Variants in EDNRB observed in about 807,000 individuals in gnomAD.
EDNRB encodes the protein Hirschsprung disease 2.
A neutral mutation model predicts 46.4 loss-of-function variants in EDNRB; 18 were observed. The ratio of observed to expected loss-of-function variants is 0.39; its 90% CI spans 0.27 to 0.57. EDNRB has a LOEUF of 0.57. Ranked by LOEUF, EDNRB falls within the 20% of genes least tolerant of loss-of-function variation. The probability of loss-of-function intolerance (pLI) is 0.61; values close to 1 mark genes in which losing one functional copy is unlikely to be tolerated. For synonymous variants in EDNRB, 213 were observed against 204.9 expected (o/e 1.04, Z -0.34); for missense variants, 434 against 537.5 (o/e 0.81, Z 1.90).
chr13:77,898,349 G>A lies in EDNRB; in HGVS notation c.1195-15C>T. 1 of 1,611,112 alleles carries A rather than the reference G, an allele frequency of 6.2e-7. No individual in the cohort carries two copies. Among genetic ancestry groups the A allele is most frequent in the Non-Finnish European group, 8.5e-7 (1 of 1,178,308 alleles). On this transcript the variant is annotated splice_polypyrimidine_tract_variant and intron_variant, in intron 6 of 6. Transcript: ENST00000646607. ...CATAAGCATGACTGTACAAAACAAA[G>A]TAACTCATTATATGTTAACATCAGT...
rs753014932 is a variant in EDNRB at position 77,901,220 on chromosome 13, G to A, written c.802-13C>T. On this transcript the variant is annotated splice_polypyrimidine_tract_variant and intron_variant, in intron 3 of 6. Coordinates refer to ENST00000646607, the MANE Select transcript of EDNRB (RefSeq NM_001122659.3). ...CTGTCTTGTAAAACTATAGGGATGAGAGAATTTTTACGATTAATACTCCTC... is the reference window on the plus strand; with the variant it reads ...CTGTCTTGTAAAACTATAGGGATGAAAGAATTTTTACGATTAATACTCCTC... The A allele has an allele frequency of 5.0e-6, 8 of 1,609,138 alleles. No individual in the cohort carries two copies. The Admixed American group carries it at 1.3e-4, about 27-fold the overall frequency.
intron 1 of EDNRB, among the ~76,000 whole-genome samples, chr13:77,936,296 G>T (rs138038096): frequency 6.6e-6 from 1 of 152,004 alleles, no homozygotes; most frequent in Non-Finnish European, 1.5e-5. Flanking sequence ...AAAGTGTCTC[G>T]GCCTAATAAG....
intron 1 of EDNRB, among the ~76,000 whole-genome samples, chr13:77,957,679 G>C (rs957640781): frequency 6.6e-6 from 1 of 152,120 alleles, no homozygotes; most frequent in Non-Finnish European, 1.5e-5. Flanking sequence ...TTTTATTTTT[G>C]TTTGCTAGTG....
intron 1 of EDNRB, among the ~76,000 whole-genome samples, chr13:77,935,279 C>T (rs1299667855): frequency 6.6e-6 from 1 of 152,154 alleles, no homozygotes; most frequent in Non-Finnish European, 1.5e-5. Flanking sequence ...GGGCGCAGTC[C>T]CAGTTCTTGT....
intron 1 of EDNRB, among the ~76,000 whole-genome samples, chr13:77,913,929 T>C (rs1480045593): frequency 6.6e-6 from 1 of 152,184 alleles, no homozygotes; most frequent in East Asian, 1.9e-4. Flanking sequence ...TAAGGAGAAA[T>C]TCATCCTAAC....
At chr13:77,914,330 C>T (rs930901150) in intron 1 of EDNRB, among the ~76,000 whole-genome samples, 3 of 152,152 alleles carry the variant, frequency 2.0e-5, no homozygotes, top group South Asian at 4.1e-4. Context: ...TAACATTTAT[C>T]ATTTCTTGCT....
chr13:77,967,373 G>T (rs1016761771), intron 1 of EDNRB, among the ~76,000 whole-genome samples: 8 of 152,166 alleles, frequency 5.3e-5, no homozygotes, highest in Non-Finnish European at 8.8e-5. Flanking sequence ...ACTTTCTCTA[G>T]CACCATCATC....
intron 1 of EDNRB, among the ~76,000 whole-genome samples, chr13:77,910,019 C>G (rs1165863623): frequency 6.6e-6 from 1 of 151,966 alleles, no homozygotes; most frequent in African/African-American, 2.4e-5. Context: ...CTCTCCTACT[C>G]AAACTTGTCA....
At chr13:77,971,223 T>C (rs1881719881) in intron 1 of EDNRB, among the ~76,000 whole-genome samples, 1 of 152,336 alleles carries the variant, frequency 6.6e-6, no homozygotes. Flanking sequence ...TCAATGGTGA[T>C]GTTGGGATTT....
At position 77,918,611 on chromosome 13, in the gene EDNRB, C is replaced by A; in HGVS notation, c.-38G>T. 6.4e-7 allele frequency: 1 copy of A among 1,559,158 alleles called. No individual in the cohort carries two copies. The highest frequency in any genetic ancestry group is 8.6e-7 in the Non-Finnish European group (1 of 1,163,686). ...TCCAGAAGGCGTCCGGTGGCCGCTC[C>A]GCAGTTTCAGAGCCTAGAGACAAGC... On this transcript the variant is annotated 5_prime_UTR_variant, in exon 1 of 7. Coordinates refer to ENST00000646607, the MANE Select transcript of EDNRB (RefSeq NM_001122659.3). This position sits in a 1 kb window ranked among gnomAD's most constrained non-coding sequence, Gnocchi z 4.5.
At chr13:77,951,743 C>T (rs1477705713) in intron 1 of EDNRB, among the ~76,000 whole-genome samples, 1 of 152,176 alleles carries the variant, frequency 6.6e-6, no homozygotes, top group African/African-American at 2.4e-5. Flanking sequence ...AGTTGGGCCT[C>T]TAACCCAAGG....
At chr13:77,955,129 C>T (rs1339069081) in intron 1 of EDNRB, among the ~76,000 whole-genome samples, 2 of 152,174 alleles carry the variant, frequency 1.3e-5, no homozygotes, top group East Asian at 1.9e-4. Context: ...TTCTAATACT[C>T]ATTATCTTTT....
chr13:77,928,246 G>A (rs1368523446), intron 1 of EDNRB, among the ~76,000 whole-genome samples: 1 of 151,894 alleles, frequency 6.6e-6, no homozygotes, highest in Non-Finnish European at 1.5e-5. Flanking sequence ...TATGAGTGGG[G>A]GCTTACTTCA....
chr13:77,946,273 G>T (rs1014783698), intron 1 of EDNRB, among the ~76,000 whole-genome samples: 4 of 152,128 alleles, frequency 2.6e-5, no homozygotes, highest in African/African-American at 4.8e-5. Context: ...TCTGGGGTTT[G>T]CTGTCTTCAG....
intron 1 of EDNRB, among the ~76,000 whole-genome samples, chr13:77,955,880 T>C (rs1881223843): frequency 6.6e-6 from 1 of 151,850 alleles, no homozygotes; most frequent in Admixed American, 6.6e-5. Flanking sequence ...TATCTATCTA[T>C]CTATCTATCT....
intron 1 of EDNRB, among the ~76,000 whole-genome samples, chr13:77,944,432 C>T (rs1324961651): frequency 6.6e-6 from 1 of 151,762 alleles, no homozygotes; most frequent in Non-Finnish European, 1.5e-5. Context: ...CCAAAACAAA[C>T]TTGATCTCCT....
chr13:77,974,029 A>C (rs1052530525), intron 1 of EDNRB, among the ~76,000 whole-genome samples: 6 of 152,122 alleles, frequency 3.9e-5, no homozygotes, highest in African/African-American at 1.4e-4. Context: ...CAAGAATAGA[A>C]GTTAGTATAA....
chr13:77,962,522 C>T (rs1881454533), intron 1 of EDNRB, among the ~76,000 whole-genome samples: 1 of 152,178 alleles, frequency 6.6e-6, no homozygotes, highest in Non-Finnish European at 1.5e-5. Context: ...ACAAAAACCA[C>T]ATGATTATCA....
At chr13:77,903,654 C>G (rs1485294338) in intron 1 of EDNRB, 47 bp from the exon 2 acceptor site, 4 of 1,503,838 alleles carry the variant, frequency 2.7e-6, no homozygotes, top group Non-Finnish European at 3.7e-6. Flanking sequence ...TCATAAGATG[C>G]CCTCTGAATT....
Sources: allele counts gnomAD v4.1 joint callset (sites outside exome capture counted in the v4.1 genomes callset), GRCh38; gene constraint gnomAD v4.1.1; non-coding constraint Gnocchi (gnomAD v3.1); transcripts MANE v1.5; gene names NCBI Gene and HGNC (gene_info 2026-07-23, HGNC 2026-07-21).